SPTB: variants seen among roughly 807,000 people sequenced by gnomAD.
SPTB encodes the protein spectrin beta chain, erythrocytic.
Under a neutral mutation model 256.2 loss-of-function variants are expected in SPTB, and 45 were observed. That is an observed-to-expected ratio of 0.18 (90% CI 0.14 to 0.23). The LOEUF is 0.23. SPTB is among the 10% of genes least tolerant of loss of function. SPTB has a pLI of 1.00. For missense variants in SPTB, 2,715 were observed against 3,040.4 expected, an observed-to-expected ratio of 0.89 and a Z score of 2.52; for synonymous variants, 1,231 against 1,243.1, an observed-to-expected ratio of 0.99 and a Z score of 0.21.
In SPTB at chr14:64,844,801, A is replaced by T. The variant is rs774712333; in HGVS notation, c.-51-21656T>A. ...AAATAGCCCAACATTTCCAAAATACATCCAAATCACATTCCAGAGATTCCA... is the reference window on the plus strand; with the variant it reads ...AAATAGCCCAACATTTCCAAAATACTTCCAAATCACATTCCAGAGATTCCA... On this transcript the variant is annotated intron_variant, in intron 1 of 35. Coordinates refer to ENST00000644917, the MANE Select transcript of SPTB (RefSeq NM_001355436.2). The surrounding 1 kb of genome is among the most constrained non-coding windows in gnomAD (Gnocchi z 4.1). Among the ~76,000 whole-genome samples, 5 of 152,330 alleles carry T rather than the reference A, an allele frequency of 3.3e-5. No homozygotes were observed. Among genetic ancestry groups the T allele is most frequent in the South Asian group, 4.1e-4 (2 of 4,824 alleles).
At chr14:64,874,658 T>C (rs1882721751) in intron 1 of SPTB, among the ~76,000 whole-genome samples, 1 of 152,258 alleles carries the variant, frequency 6.6e-6, no homozygotes. Context: ...TACAGACTTC[T>C]TTCTGGTCCA....
At chr14:64,837,067 T>C (rs2083535083) in intron 1 of SPTB, among the ~76,000 whole-genome samples, 1 of 152,192 alleles carries the variant, frequency 6.6e-6, no homozygotes, top group African/African-American at 2.4e-5. Context: ...CCCTGAAAGA[T>C]GCAAACTTCT....
intron 1 of SPTB, among the ~76,000 whole-genome samples, chr14:64,838,964 C>A (rs2083565237): frequency 6.6e-6 from 1 of 152,132 alleles, no homozygotes; most frequent in Admixed American, 6.5e-5. Context: ...GGAACCCCAT[C>A]TCTACCAAAA....
chr14:64,793,298 G>A lies in SPTB; in HGVS notation c.2365C>T (p.Leu789=). Residue 789 remains leucine (L), a synonymous_variant, in exon 14 of 36, where the codon CTG becomes TTG. Transcript: ENST00000644917. This position sits in a 1 kb window ranked among gnomAD's most constrained non-coding sequence, Gnocchi z 7.0. ...RALGKKHKDF[L]EELEESRGVM... is the part of the protein sequence containing the mutation. Reference sequence around the variant, plus strand: ...CCACGGCTCTCCTCCAGCTCCTCCAGGAAGTCCTTGTGCTTTTTCCCCAGG... The same window carrying A: ...CCACGGCTCTCCTCCAGCTCCTCCAAGAAGTCCTTGTGCTTTTTCCCCAGG... 6.2e-7 allele frequency: 1 copy of A among 1,607,278 alleles called. No individual in the cohort carries two copies. The highest frequency in any genetic ancestry group is 1.1e-5 in the South Asian group (1 of 91,084).
intron 2 of SPTB, among the ~76,000 whole-genome samples, chr14:64,809,561 G>A (rs998757859): frequency 2.0e-5 from 3 of 152,062 alleles, no homozygotes; most frequent in African/African-American, 7.2e-5. Flanking sequence ...TGGCCAGGCT[G>A]GTCTTGAACT....
chr14:64,865,439 T>C (rs902039017), intron 1 of SPTB, among the ~76,000 whole-genome samples: 1 of 152,086 alleles, frequency 6.6e-6, no homozygotes, highest in African/African-American at 2.4e-5. Flanking sequence ...TTTAGAAGTA[T>C]TGAACCCTTG....
At chr14:64,821,954 G>A (rs556445187) in intron 2 of SPTB, among the ~76,000 whole-genome samples, 1 of 152,206 alleles carries the variant, frequency 6.6e-6, no homozygotes, top group Non-Finnish European at 1.5e-5. Flanking sequence ...GGGAGGGAGT[G>A]GGGAAGAGGA....
At chr14:64,767,602 T>C in intron 30 of SPTB, 61 bp downstream of exon 30, 3 of 1,599,820 alleles carry the variant, frequency 1.9e-6, no homozygotes, top group Non-Finnish European at 2.6e-6. Flanking sequence ...AGTCCTTACA[T>C]GAGACCCCTG....
At chr14:64,803,029 C>CGGG (rs1391335631) in intron 4 of SPTB, among the ~76,000 whole-genome samples, 1 of 152,142 alleles carries the variant, frequency 6.6e-6, no homozygotes, top group Non-Finnish European at 1.5e-5. Context: ...ATCGGACATG[C>CGGG]GGGGCCACTT....
At position 64,816,836 on chromosome 14, in the gene SPTB, G is replaced by T. The variant is rs535223538; in HGVS notation, c.148+6111C>A. Among the ~76,000 whole-genome samples the T allele has an allele frequency of 2.1e-3, 308 of 150,236 alleles. 2 individuals are homozygous for T. Among genetic ancestry groups the T allele is most frequent in the African/African-American group, 7.5e-3 (299 of 39,780 alleles). Reference sequence around the variant, plus strand: ...CAAGAAGCATGTGGGGGACACATGGGGCAGGGAGAATGGGTGCTGGCTTTT... The same window carrying T: ...CAAGAAGCATGTGGGGGACACATGGTGCAGGGAGAATGGGTGCTGGCTTTT... On this transcript the variant is annotated intron_variant, in intron 2 of 35. Transcript: ENST00000644917. This position sits in a 1 kb window ranked among gnomAD's most constrained non-coding sequence, Gnocchi z 4.2.
At chr14:64,871,475 G>A (rs545803336) in intron 1 of SPTB, among the ~76,000 whole-genome samples, 1 of 152,218 alleles carries the variant, frequency 6.6e-6, no homozygotes, top group Non-Finnish European at 1.5e-5. Flanking sequence ...TTGAGAAGGG[G>A]TGTTATATGA....
At position 64,853,457 on chromosome 14, in the gene SPTB, G is replaced by C. The variant is rs1240341238; in HGVS notation, c.-52+26335C>G. Among the ~76,000 whole-genome samples the C allele has an allele frequency of 6.6e-6, 1 of 152,176 alleles. No homozygotes were observed. Among genetic ancestry groups the C allele is most frequent in the Non-Finnish European group, 1.5e-5 (1 of 68,038 alleles). On this transcript the variant is annotated intron_variant, in intron 1 of 35. Transcript: ENST00000644917. This position sits in a 1 kb window ranked among gnomAD's most constrained non-coding sequence, Gnocchi z 4.3. ...GGGAGGAAATTTCCAGAAGCAAGGA[G>C]CAAACAACACTGTCCCATATCCCAG...
intron 20 of SPTB, among the ~76,000 whole-genome samples, chr14:64,780,692 C>T (rs111705354): frequency 6.6e-6 from 1 of 152,324 alleles, no homozygotes; most frequent in African/African-American, 2.4e-5. Context: ...GGATTACAGG[C>T]ATGAGCCACC....
intron 1 of SPTB, among the ~76,000 whole-genome samples, chr14:64,861,062 A>C (rs2083959517): frequency 6.6e-6 from 1 of 152,198 alleles, no homozygotes; most frequent in Non-Finnish European, 1.5e-5. Context: ...ACTTGGATGA[A>C]GCTGGAAGCC....
intron 20 of SPTB, among the ~76,000 whole-genome samples, chr14:64,781,599 C>G (rs563563681): frequency 6.6e-6 from 1 of 152,100 alleles, no homozygotes; most frequent in African/African-American, 2.4e-5. Context: ...AAAAGGGAAC[C>G]CTTATACACC....
intron 1 of SPTB, among the ~76,000 whole-genome samples, chr14:64,837,849 T>C (rs1390838810): frequency 1.3e-5 from 2 of 152,092 alleles, no homozygotes; most frequent in East Asian, 1.9e-4. Context: ...TCACCTCTGG[T>C]GATCCACCCA....
In SPTB at chr14:64,804,837, G is replaced by T. The variant is rs964753525; in HGVS notation, c.300+102C>A. 2.7e-6 allele frequency: 4 copies of T among 1,479,136 alleles called. No homozygotes were observed. In the African/African-American group the frequency reaches 4.2e-5, roughly 16 times the overall value. 91.6% of individuals were successfully genotyped at this position (1,479,136 alleles called of 1,614,324 possible). A position where few individuals can be genotyped will look rare whatever the true frequency, so the allele number is the denominator to read the frequency against. On this transcript the variant is annotated intron_variant, in intron 3 of 35. Coordinates refer to ENST00000644917, the MANE Select transcript of SPTB (RefSeq NM_001355436.2). ...TTAGAGCCTCCCAAAGGAGCAGAGA[G>T]AAAACTGGGAAGGCCAGGAGAACTT...
rs1039888319 is a variant in SPTB, at chr14:64,775,535, G to A, written c.4564-132C>T. ...TTGCTAGAGCAGAGCAGGTGATGGC[G>A]ATAAGAACTACCAATGACCTCTTGC... On this transcript the variant is annotated intron_variant, in intron 22 of 35. Coordinates refer to ENST00000644917, the MANE Select transcript of SPTB (RefSeq NM_001355436.2). This position sits in a 1 kb window ranked among gnomAD's most constrained non-coding sequence, Gnocchi z 5.0. The A allele has an allele frequency of 9.2e-5, 111 of 1,212,520 alleles. No homozygotes were observed. The South Asian group carries it at 1.2e-3, about 13-fold the overall frequency. The allele number at this position is 1,212,520 out of a possible 1,614,324, so 75.1% of individuals were successfully genotyped here.
At chr14:64,855,369 T>C (rs1468338245) in intron 1 of SPTB, among the ~76,000 whole-genome samples, 1 of 152,090 alleles carries the variant, frequency 6.6e-6, no homozygotes, top group Non-Finnish European at 1.5e-5. Context: ...CTTTATGAAA[T>C]AGGAAAATGA....
Sources: gnomAD v4.1 joint callset for allele counts (sites outside exome capture counted in the v4.1 genomes callset) on GRCh38, gnomAD v4.1.1 for gene constraint, Gnocchi (gnomAD v3.1) non-coding constraint, MANE v1.5 for transcripts, NCBI Gene and HGNC (gene_info 2026-07-23, HGNC 2026-07-21) for gene names.